The following C6 variants were observed in gnomAD, a reference collection of about 807,000 sequenced individuals.
C6 encodes complement C6, also known as complement component C6.
Under a neutral mutation model 112.9 loss-of-function variants are expected in C6, and 101 were observed. The ratio of observed to expected loss-of-function variants is 0.89; its 90% CI spans 0.76 to 1.06. The LOEUF is 1.06. Ranked by LOEUF, C6 falls within the 50% of genes least tolerant of loss-of-function variation. The probability of loss-of-function intolerance (pLI) is 0.00; values close to 1 mark genes in which losing one functional copy is unlikely to be tolerated. For missense variants in C6, 1,202 were observed against 1,104.6 expected, an observed-to-expected ratio of 1.09 and a Z score of -1.25; for synonymous variants, 431 against 384.1, an observed-to-expected ratio of 1.12 and a Z score of -1.43.
chr5:41,234,448 C>A (rs1740123889), intron 1 of C6, among the ~76,000 whole-genome samples: 1 of 150,094 alleles, frequency 6.7e-6, no homozygotes, highest in African/African-American at 2.5e-5. Context: ...AATATATTTC[C>A]CACATGCTTG....
At chr5:41,160,436 G>A (rs962216379) in intron 10 of C6, 69 bp from the exon 11 acceptor site, 1 of 1,205,836 alleles carries the variant, frequency 8.3e-7, no homozygotes, top group Non-Finnish European at 1.2e-6. Context: ...TTACTGCCCA[G>A]TTCTCTGAAA....
In C6 at chr5:41,142,808, G is replaced by T; in HGVS notation, c.*17C>A. The T allele has an allele frequency of 1.3e-6, 2 of 1,596,808 alleles. No individual in the cohort carries two copies. The highest frequency in any genetic ancestry group is 1.7e-6 in the Non-Finnish European group (2 of 1,164,586). On this transcript the variant is annotated 3_prime_UTR_variant, in exon 18 of 18. Coordinates refer to ENST00000337836, the MANE Select transcript of C6 (RefSeq NM_000065.5). ...ATGGTAAATCTGTTCATTGTGCTGG[G>T]CCTAGCAGTAATTGTGCTAGGCCAA...
chr5:41,254,413 G>A (rs1308946406), intron 1 of C6, among the ~76,000 whole-genome samples: 4 of 151,986 alleles, frequency 2.6e-5, no homozygotes, highest in Non-Finnish European at 5.9e-5. Context: ...CTCAAAAAAA[G>A]AAAGAGAAAG....
intron 1 of C6, among the ~76,000 whole-genome samples, chr5:41,234,736 T>C (rs1171032730): frequency 6.6e-6 from 1 of 152,192 alleles, no homozygotes; most frequent in Admixed American, 6.5e-5. Context: ...CAATTAGTCA[T>C]GTTCACTAGT....
At position 41,153,751 on chromosome 5, in the gene C6, A is replaced by C. The variant is rs1205728599; in HGVS notation, c.2290+59T>G. 17 of 1,261,294 alleles carry C rather than the reference A, an allele frequency of 1.3e-5. 1 individual carries two copies. The highest frequency in any genetic ancestry group is 2.0e-5 in the Non-Finnish European group (17 of 860,790). The allele number at this position is 1,261,294 out of a possible 1,614,324, so 78.1% of individuals were successfully genotyped here. A position where few individuals can be genotyped will look rare whatever the true frequency, so the allele number is the denominator to read the frequency against. ...GAAATATAATGGCTATAGAGGCTAT[A>C]CTACCAATCTCAGGGTGCACCACCT... On this transcript the variant is annotated intron_variant, in intron 15 of 17. Transcript: ENST00000337836.
intron 8 of C6, among the ~76,000 whole-genome samples, chr5:41,175,233 C>A: frequency 6.6e-6 from 1 of 152,130 alleles, no homozygotes; most frequent in Non-Finnish European, 1.5e-5. Flanking sequence ...CCCTGGCGAT[C>A]AAAGAAGTGA....
intron 1 of C6, among the ~76,000 whole-genome samples, chr5:41,219,040 C>A (rs1366398871): frequency 1.3e-5 from 2 of 152,082 alleles, no homozygotes; most frequent in African/African-American, 2.4e-5. Flanking sequence ...CAAACAATTT[C>A]AAAAAAGATA....
chr5:41,151,380 C>T (rs950338282), intron 15 of C6, among the ~76,000 whole-genome samples: 2 of 152,122 alleles, frequency 1.3e-5, no homozygotes, highest in African/African-American at 2.4e-5. Flanking sequence ...TCTTCGGTTT[C>T]TGATTTGCAT....
intron 1 of C6, among the ~76,000 whole-genome samples, chr5:41,246,728 A>T (rs1356729333): frequency 6.6e-6 from 1 of 152,144 alleles, no homozygotes; most frequent in African/African-American, 2.4e-5. Context: ...TTGGATGTCT[A>T]CTCCCAGCAG....
intron 1 of C6, among the ~76,000 whole-genome samples, chr5:41,232,502 G>A (rs1321613035): frequency 6.6e-6 from 1 of 151,990 alleles, no homozygotes; most frequent in Non-Finnish European, 1.5e-5. Context: ...AGCTTTTATG[G>A]TTGCTTTTGC....
intron 6 of C6, among the ~76,000 whole-genome samples, chr5:41,184,288 C>T (rs1190839673): frequency 6.6e-6 from 1 of 152,110 alleles, no homozygotes; most frequent in Non-Finnish European, 1.5e-5. Context: ...TGAAGGTGCT[C>T]AGACTTTTAA....
chr5:41,179,347 G>A (rs947820971), intron 7 of C6, among the ~76,000 whole-genome samples: 7 of 152,056 alleles, frequency 4.6e-5, no homozygotes, highest in Admixed American at 2.0e-4. Flanking sequence ...AATCACATAC[G>A]TGAAGCAAGA....
At chr5:41,179,761 G>C (rs908694461) in intron 7 of C6, among the ~76,000 whole-genome samples, 3 of 150,328 alleles carry the variant, frequency 2.0e-5, no homozygotes, top group African/African-American at 7.3e-5. Flanking sequence ...TTACATGTCT[G>C]TGTCACCAGA....
Position 41,213,454 on chromosome 5 carries a change from G to A in C6, c.-99C>T. On this transcript the variant is annotated 5_prime_UTR_variant, in exon 1 of 18. Coordinates refer to ENST00000337836, the MANE Select transcript of C6 (RefSeq NM_000065.5). ...AAAATAGGTATGCAGAATGAAGAGG[G>A]TATATATGTTAATCCAAACAAAGCT... 1 of 985,306 alleles carries A rather than the reference G, an allele frequency of 1.0e-6. No individual in the cohort carries two copies. Among genetic ancestry groups the A allele is most frequent in the Non-Finnish European group, 1.2e-6 (1 of 829,870 alleles). 61.0% of individuals were successfully genotyped at this position (985,306 alleles called of 1,614,324 possible).
At chr5:41,162,544 C>A (rs1416802016) in intron 9 of C6, among the ~76,000 whole-genome samples, 2 of 152,160 alleles carry the variant, frequency 1.3e-5, no homozygotes, top group Admixed American at 6.5e-5. Flanking sequence ...TACAAATTGC[C>A]ATAACAATTT....
At chr5:41,196,885 A>C (rs1287293918) in intron 4 of C6, among the ~76,000 whole-genome samples, 1 of 152,098 alleles carries the variant, frequency 6.6e-6, no homozygotes, top group Non-Finnish European at 1.5e-5. Context: ...TATATTATAG[A>C]AATTGAAATA....
At chr5:41,261,439 G>T (rs942023506), upstream of C6, 5 of 153,398 alleles carry the variant, frequency 3.3e-5, no homozygotes, top group African/African-American at 1.2e-4. Flanking sequence ...TATATTTTAG[G>T]GAGAAACTCC....
intron 1 of C6, among the ~76,000 whole-genome samples, chr5:41,209,533 C>A (rs184747906): frequency 1.3e-5 from 2 of 152,308 alleles, no homozygotes; most frequent in Admixed American, 1.3e-4. Context: ...TCTCAGGATA[C>A]AAAATCAATG....
chr5:41,209,702 C>T (rs914979206), intron 1 of C6, among the ~76,000 whole-genome samples: 5 of 152,050 alleles, frequency 3.3e-5, no homozygotes, highest in African/African-American at 1.2e-4. Context: ...AACCACTGCT[C>T]AATGAAATAA....
Sources: allele counts gnomAD v4.1 joint callset (sites outside exome capture counted in the v4.1 genomes callset), GRCh38; gene constraint gnomAD v4.1.1; transcripts MANE v1.5; gene names NCBI Gene and HGNC (gene_info 2026-07-23, HGNC 2026-07-21).